ZNF616: variants seen among roughly 807,000 people sequenced by gnomAD.
The protein encoded by ZNF616 is zinc finger protein 616.
ZNF616 carries 5 observed loss-of-function variants against 7.6 expected under a neutral mutation model. That is an observed-to-expected ratio of 0.66 (90% CI 0.34 to 1.38). The LOEUF (loss-of-function observed/expected upper bound fraction) is 1.38, where lower values mean the gene tolerates loss of function less well. ZNF616 is among the 40% of genes most tolerant of loss of function. The pLI, the probability that ZNF616 is intolerant of heterozygous loss-of-function variation, is 0.04. For missense variants in ZNF616, 913 were observed against 948.3 expected (o/e 0.96, Z 0.49); for synonymous variants, 319 against 317.2 (o/e 1.01, Z -0.06).
chr19:52,128,198 A>C lies in ZNF616; in HGVS notation c.12+2303T>G, dbSNP rs575823623. On this transcript the variant is annotated intron_variant, in intron 2 of 3. Transcript: ENST00000600228. ...ATTTCCCACCCAATAAAAAAAAAAA[A>C]AAAAAACTTACTACTATGTTCTGTT... is the stretch of plus-strand genomic sequence containing the variant. Among the ~76,000 whole-genome samples the C allele has an allele frequency of 4.6e-5, 7 of 152,108 alleles. No homozygotes were observed. The South Asian group carries it at 8.3e-4, about 18-fold the overall frequency.
At chr19:52,118,010 T>C (rs1240231534) in intron 3 of ZNF616, among the ~76,000 whole-genome samples, 1 of 152,132 alleles carries the variant, frequency 6.6e-6, no homozygotes, top group African/African-American at 2.4e-5. Flanking sequence ...TGGCATAATC[T>C]TGCCTCACTG....
intron 3 of ZNF616, among the ~76,000 whole-genome samples, chr19:52,120,566 A>C (rs2088857574): frequency 6.6e-6 from 1 of 152,198 alleles, no homozygotes; most frequent in Non-Finnish European, 1.5e-5. Flanking sequence ...TACTATCCAC[A>C]AAAGATTCAT....
Position 52,116,105 on chromosome 19 carries a change from A to G in ZNF616, c.1059T>C (p.Tyr353=). ...ATGCCTTGCCACATACATCACATTT[A>G]TATGGTTTCTTTCCTGCATGGATTA... is the stretch of plus-strand genomic sequence containing the variant. ...HQVIHAGKKP[Y]KCDVCGKAFR... The change falls in exon 4 of 4, where the codon TAT becomes TAC. Residue 353 remains tyrosine, a synonymous_variant. Transcript: ENST00000600228. The G allele has an allele frequency of 6.2e-7, 1 of 1,614,158 alleles. No homozygotes were observed. Among genetic ancestry groups the G allele is most frequent in the South Asian group, 1.1e-5 (1 of 91,080 alleles).
Position 52,114,387 on chromosome 19 carries a change from AC to A in ZNF616, c.*430del, listed in dbSNP as rs1195988369. ...CATAACTGCATTGCTACAAAAAAAA[AC>A]CTGAGGCTGGCTAATGTATAAAGAA... is the stretch of plus-strand genomic sequence containing the variant. On this transcript the variant is annotated 3_prime_UTR_variant, in exon 4 of 4. Transcript: ENST00000600228. The A allele has an allele frequency of 1.2e-5, 2 of 160,156 alleles. No individual in the cohort carries two copies. Among genetic ancestry groups the A allele is most frequent in the African/African-American group, 4.8e-5 (2 of 41,576 alleles). The allele number at this position is 160,156 out of a possible 1,614,324, so 9.9% of individuals were successfully genotyped here.
intron 2 of ZNF616, 43 bp from the exon 3 acceptor site, chr19:52,124,092 T>G: frequency 1.9e-6 from 3 of 1,567,356 alleles, no homozygotes; most frequent in Non-Finnish European, 2.6e-6. Flanking sequence ...ATATGAGAGC[T>G]CTTCTGTTTA....
chr19:52,137,064 TA>T, intron 1 of ZNF616, among the ~76,000 whole-genome samples: 1 of 149,986 alleles, frequency 6.7e-6, no homozygotes, highest in African/African-American at 2.4e-5. Flanking sequence ...TATATATATA[TA>T]TATATATATA....
chr19:52,136,424 G>A (rs557173328), intron 1 of ZNF616, among the ~76,000 whole-genome samples: 1 of 151,890 alleles, frequency 6.6e-6, no homozygotes, highest in Non-Finnish European at 1.5e-5. Flanking sequence ...ACTCCAGCCT[G>A]GGCAACAAGA....
intron 1 of ZNF616, among the ~76,000 whole-genome samples, chr19:52,137,053 G>GTGTATATA (rs958896902): frequency 1.1e-4 from 16 of 143,714 alleles, no homozygotes; most frequent in Admixed American, 2.8e-4. Context: ...TTATGTATGT[G>GTGTATATA]TATATATATA....
At position 52,116,722 on chromosome 19, in the gene ZNF616, G is replaced by A. The variant is rs1317350861; in HGVS notation, c.442C>T (p.Leu148=). Residue 148 remains leucine, a synonymous_variant, in exon 4 of 4, where the codon CTG becomes TTG. Transcript: ENST00000600228. The part of the protein sequence containing the change: ...NQLTSNFESR[L]AELQKVQTEG... ...GTTTGAACTTTCTGCAGTTCAGCCA[G>A]ACGTGACTCAAAGTTTGATGTAAGC... is the stretch of plus-strand genomic sequence containing the variant. 1 of 1,614,144 alleles carries A rather than the reference G, an allele frequency of 6.2e-7. No individual in the cohort carries two copies. Among genetic ancestry groups the A allele is most frequent in the Non-Finnish European group, 8.5e-7 (1 of 1,180,026 alleles).
intron 1 of ZNF616, among the ~76,000 whole-genome samples, chr19:52,136,630 G>A (rs1443220044): frequency 2.0e-5 from 3 of 152,288 alleles, no homozygotes; most frequent in African/African-American, 7.2e-5. Context: ...CTTGTACACT[G>A]CTGCTGGGAG....
At chr19:52,119,818 A>C (rs771144282) in intron 3 of ZNF616, among the ~76,000 whole-genome samples, 50 of 152,232 alleles carry the variant, frequency 3.3e-4, no homozygotes, top group Non-Finnish European at 6.2e-4. Context: ...ATGTCTTTAT[A>C]ATATATGCTA....
Position 52,117,544 on chromosome 19 carries a change from A to AATACAAT in ZNF616, c.140-527_140-521dup, listed in dbSNP as rs780722830. On this transcript the variant is annotated intron_variant, in intron 3 of 3. Coordinates refer to ENST00000600228, the MANE Select transcript of ZNF616 (RefSeq NM_178523.5). ...CATGATAAAACCAGCAGGTAAGTAA[A>AATACAAT]ATACAATATACAATATACTTAGAAT... is the stretch of plus-strand genomic sequence containing the variant. Among the ~76,000 whole-genome samples, 28 of 152,322 alleles carry AATACAAT rather than the reference A, an allele frequency of 1.8e-4. No homozygotes were observed. The South Asian group carries it at 5.2e-3, about 28-fold the overall frequency.
At chr19:52,133,867 C>T (rs182634185) in intron 1 of ZNF616, among the ~76,000 whole-genome samples, 48 of 152,184 alleles carry the variant, frequency 3.2e-4, no homozygotes, top group African/African-American at 1.1e-3. Context: ...TGATCCTCTC[C>T]CTCCTCCCAC....
rs1376629356 is a variant in ZNF616 at position 52,113,937 on chromosome 19, T to C, written c.*881A>G. ...AACCATTTATTTGGAAGGTTGTCTC[T>C]AGTATGAATACTCTTTCCATTTTGA... On this transcript the variant is annotated 3_prime_UTR_variant, in exon 4 of 4. Transcript: ENST00000600228. 1 of 152,218 alleles carries C rather than the reference T, an allele frequency of 6.6e-6. No homozygotes were observed. Among genetic ancestry groups the C allele is most frequent in the Non-Finnish European group, 1.5e-5 (1 of 68,040 alleles). The allele number at this position is 152,218 out of a possible 1,614,324, so 9.4% of individuals were successfully genotyped here.
chr19:52,134,437 G>T (rs2088990313), intron 1 of ZNF616, among the ~76,000 whole-genome samples: 1 of 152,142 alleles, frequency 6.6e-6, no homozygotes, highest in Non-Finnish European at 1.5e-5. Context: ...CAAACCTTTG[G>T]CTGGGGTAGT....
At chr19:52,132,832 G>A (rs1172269380) in intron 1 of ZNF616, among the ~76,000 whole-genome samples, 1 of 152,214 alleles carries the variant, frequency 6.6e-6, no homozygotes, top group African/African-American at 2.4e-5. Flanking sequence ...GACTAATACA[G>A]TGGGGTTTAA....
intron 2 of ZNF616, among the ~76,000 whole-genome samples, chr19:52,127,770 A>G (rs1460180484): frequency 1.3e-5 from 2 of 152,208 alleles, no homozygotes; most frequent in African/African-American, 2.4e-5. Context: ...TAAAAGATCC[A>G]TATGTCTTCA....
intron 2 of ZNF616, among the ~76,000 whole-genome samples, chr19:52,129,549 C>A (rs34512412): frequency 0.04 from 6,027 of 152,188 alleles, 175 homozygotes; most frequent in Non-Finnish European, 0.058. Context: ...AGAGTCCCCG[C>A]AGGAACACCG....
intron 2 of ZNF616, among the ~76,000 whole-genome samples, chr19:52,130,070 GC>G (rs1455313133): frequency 6.6e-6 from 1 of 152,136 alleles, no homozygotes; most frequent in African/African-American, 2.4e-5. Flanking sequence ...ACGGCGCCTG[GC>G]CCCTTTCGAT....
Sources: gnomAD v4.1 joint callset for allele counts (sites outside exome capture counted in the v4.1 genomes callset) on GRCh38, gnomAD v4.1.1 for gene constraint, MANE v1.5 for transcripts, NCBI Gene and HGNC (gene_info 2026-07-23, HGNC 2026-07-21) for gene names.